Variants in MCTP2 observed in about 807,000 individuals in gnomAD.
MCTP2 encodes the protein multiple C2 and transmembrane domain containing 2.
In MCTP2, 132 loss-of-function variants were observed where a neutral mutation model predicts 111.6. That is an observed-to-expected ratio of 1.18 (90% confidence interval 1.03 to 1.37). MCTP2 has a LOEUF of 1.37. MCTP2 is among the 40% of genes most tolerant of loss of function. The pLI, the probability that MCTP2 is intolerant of heterozygous loss-of-function variation, is 0.00. For missense variants in MCTP2, 1,183 were observed against 1,067.9 expected, an observed-to-expected ratio of 1.11 and a Z score of -1.50; for synonymous variants, 395 against 387.7, an observed-to-expected ratio of 1.02 and a Z score of -0.22.
chr15:94,476,637 TAGA>T, intron 21 of MCTP2, 56 bp from the exon 22 acceptor site: 1 of 868,920 alleles, frequency 1.2e-6, no homozygotes, highest in South Asian at 1.4e-5. Context: ...GATAGATAGA[TAGA>T]TAGATAGATA....
chr15:94,428,751 C>T (rs1418011253), intron 17 of MCTP2, among the ~76,000 whole-genome samples: 1 of 152,098 alleles, frequency 6.6e-6, no homozygotes, highest in African/African-American at 2.4e-5. Flanking sequence ...TACTAATTTT[C>T]TGTTCAGCTG....
chr15:94,295,820 TG>T (rs1357130904), intron 1 of MCTP2, among the ~76,000 whole-genome samples: 2 of 151,678 alleles, frequency 1.3e-5, no homozygotes, highest in African/African-American at 2.4e-5. Context: ...GAGGCTGAAC[TG>T]GGAGGGTCGC....
At chr15:94,324,363 A>T (rs2076760450) in intron 4 of MCTP2, among the ~76,000 whole-genome samples, 1 of 152,238 alleles carries the variant, frequency 6.6e-6, no homozygotes, top group Admixed American at 6.5e-5. Flanking sequence ...CCGCTGTAGT[A>T]GTTTACCACT....
At position 94,440,384 on chromosome 15, in the gene MCTP2, G is replaced by C. The variant is rs1045926369; in HGVS notation, c.2208+86G>C. On this transcript the variant is annotated intron_variant, in intron 18 of 22. Transcript: ENST00000357742. ...CCACCACCACCAAATCATGGCCCAA[G>C]TCCATTTCGTTTGAGGTGTAAGGAG... 6 of 1,558,516 alleles carry C rather than the reference G, an allele frequency of 3.8e-6. No homozygotes were observed. The African/African-American group carries it at 6.8e-5, about 18-fold the overall frequency.
chr15:94,288,823 G>A lies in MCTP2; in HGVS notation c.-65-9378G>A, dbSNP rs916773248. Among the ~76,000 whole-genome samples, 3 of 152,120 alleles carry A rather than the reference G, an allele frequency of 2.0e-5. No homozygotes were observed. In the South Asian group the frequency reaches 6.2e-4, roughly 32 times the overall value. On this transcript the variant is annotated intron_variant, in intron 1 of 22. Coordinates refer to ENST00000357742, the MANE Select transcript of MCTP2 (RefSeq NM_001385001.1). ...AGGAAAGATGTGAAGTGGCACCAAT[G>A]GAAACCAGAACTGAAAAATACAATA...
intron 1 of MCTP2, among the ~76,000 whole-genome samples, chr15:94,245,268 G>GTA (rs1284908009): frequency 9.3e-4 from 123 of 132,854 alleles, no homozygotes; most frequent in African/African-American, 2.4e-3. Flanking sequence ...ATACATATGT[G>GTA]TATATACGTA....
chr15:94,299,659 T>C (rs2075506061), intron 2 of MCTP2, among the ~76,000 whole-genome samples: 1 of 152,248 alleles, frequency 6.6e-6, no homozygotes, highest in Non-Finnish European at 1.5e-5. Flanking sequence ...AAAAAGTCTT[T>C]CGTTACTGAC....
At chr15:94,243,796 CATA>C (rs1248500837) in intron 1 of MCTP2, among the ~76,000 whole-genome samples, 1 of 144,830 alleles carries the variant, frequency 6.9e-6, no homozygotes, top group Non-Finnish European at 1.5e-5. Flanking sequence ...TGTATATACA[CATA>C]TGCGTATATA....
chr15:94,257,048 A>T (rs1485506078), intron 1 of MCTP2, among the ~76,000 whole-genome samples: 3 of 152,040 alleles, frequency 2.0e-5, no homozygotes, highest in African/African-American at 7.2e-5. Flanking sequence ...CTCTGACATC[A>T]TCTTATTCTG....
chr15:94,472,884 A>G (rs1021590123), intron 21 of MCTP2, among the ~76,000 whole-genome samples: 3 of 152,204 alleles, frequency 2.0e-5, no homozygotes, highest in Non-Finnish European at 4.4e-5. Flanking sequence ...AATTTCTTGT[A>G]TGATTGCATC....
At chr15:94,418,415 G>T (rs1029855630) in intron 17 of MCTP2, among the ~76,000 whole-genome samples, 1 of 152,102 alleles carries the variant, frequency 6.6e-6, no homozygotes, top group Non-Finnish European at 1.5e-5. Context: ...TCAGAGCAGA[G>T]AATTTGCTGA....
chr15:94,438,436 G>A (rs1410060877), intron 17 of MCTP2, among the ~76,000 whole-genome samples: 5 of 152,032 alleles, frequency 3.3e-5, no homozygotes, highest in East Asian at 1.9e-4. Flanking sequence ...GAACACGAGC[G>A]TCTATGCAAA....
intron 17 of MCTP2, among the ~76,000 whole-genome samples, chr15:94,411,284 C>CTTT (rs111921100): frequency 7.2e-6 from 1 of 139,256 alleles, no homozygotes; most frequent in African/African-American, 2.6e-5. Flanking sequence ...TTTGATATTG[C>CTTT]TTTTTTTTTT....
intron 8 of MCTP2, among the ~76,000 whole-genome samples, chr15:94,347,687 G>A (rs1007127194): frequency 6.6e-6 from 1 of 152,066 alleles, no homozygotes. Flanking sequence ...ACAATCTTTG[G>A]TGTGACCAGA....
intron 17 of MCTP2, among the ~76,000 whole-genome samples, chr15:94,410,555 AAAAG>A (rs2082109990): frequency 6.6e-6 from 1 of 152,206 alleles, no homozygotes; most frequent in African/African-American, 2.4e-5. Flanking sequence ...AAGAAAAAAA[AAAAG>A]AAGAGGTATT....
chr15:94,354,652 T>TA (rs2078513304), intron 8 of MCTP2, among the ~76,000 whole-genome samples: 1 of 152,130 alleles, frequency 6.6e-6, no homozygotes, highest in Non-Finnish European at 1.5e-5. Flanking sequence ...GATAACGGAG[T>TA]AATACAGATA....
intron 1 of MCTP2, among the ~76,000 whole-genome samples, chr15:94,275,208 T>C (rs1248379277): frequency 6.6e-6 from 1 of 152,196 alleles, no homozygotes; most frequent in African/African-American, 2.4e-5. Flanking sequence ...AATTAAATGA[T>C]GAAATTTTTA....
rs970128261 is a variant in MCTP2, at chr15:94,452,173, AAATACT to A, written c.2251-5955_2251-5950del. Reference sequence around the variant, plus strand: ...CTGGACTTCAGTTTCCTATACATGGAAATACTAATACTAAAGGCTATGTAATACTTC... The same window carrying A: ...CTGGACTTCAGTTTCCTATACATGGAAATACTAAAGGCTATGTAATACTTC... On this transcript the variant is annotated intron_variant, in intron 19 of 22. Coordinates refer to ENST00000357742, the MANE Select transcript of MCTP2 (RefSeq NM_001385001.1). 2.6e-5 allele frequency among the ~76,000 whole-genome samples: 4 copies of A among 152,328 alleles called. 1 individual carries two copies. Among genetic ancestry groups the A allele is most frequent in the South Asian group, 4.1e-4 (2 of 4,826 alleles).
In MCTP2 at chr15:94,303,801, C is replaced by T. The variant is rs577906155; in HGVS notation, c.465+5071C>T. Among the ~76,000 whole-genome samples, 6 of 152,300 alleles carry T rather than the reference C, an allele frequency of 3.9e-5. No individual in the cohort carries two copies. The South Asian group carries it at 1.2e-3, about 32-fold the overall frequency. The stretch of plus-strand genomic sequence containing the variant: ...TCAAGGCCTAGTGGAAACCTTCCTT[C>T]TCTGTGGTGCTTTTTCCAACTCTGT... On this transcript the variant is annotated intron_variant, in intron 2 of 22. Transcript: ENST00000357742.
Sources: gnomAD v4.1 joint callset for allele counts (sites outside exome capture counted in the v4.1 genomes callset) on GRCh38, gnomAD v4.1.1 for gene constraint, MANE v1.5 for transcripts, NCBI Gene and HGNC (gene_info 2026-07-23, HGNC 2026-07-21) for gene names.